Variants in SHTN1 observed in about 807,000 individuals in gnomAD.
The protein encoded by SHTN1 is shootin 1, also known as shootin-1.
Under a neutral mutation model 83.1 loss-of-function variants are expected in SHTN1, and 42 were observed. The ratio of observed to expected loss-of-function variants is 0.51; its 90% CI spans 0.39 to 0.65. The LOEUF (loss-of-function observed/expected upper bound fraction) is 0.65. SHTN1 is among the 30% of genes least tolerant of loss of function. The pLI, the probability that SHTN1 is intolerant of heterozygous loss-of-function variation, is 0.00. For missense variants in SHTN1, 622 were observed against 737.8 expected, an observed-to-expected ratio of 0.84 and a Z score of 1.82; for synonymous variants, 224 against 247.7, an observed-to-expected ratio of 0.90 and a Z score of 0.90.
chr10:117,013,685 C>T (rs533991288), intron 2 of SHTN1, among the ~76,000 whole-genome samples: 3 of 152,214 alleles, frequency 2.0e-5, no homozygotes, highest in South Asian at 4.1e-4. Context: ...ATGGTACAGC[C>T]GCTTTGAAAG....
At chr10:117,110,507 A>G (rs930829019) in intron 1 of SHTN1, among the ~76,000 whole-genome samples, 4 of 150,518 alleles carry the variant, frequency 2.7e-5, no homozygotes, top group Non-Finnish European at 5.9e-5. Flanking sequence ...GCACACCGCC[A>G]TGCCTGGGTA....
At position 116,883,004 on chromosome 10, in the gene SHTN1, T is replaced by A. The variant is rs1009259875; in HGVS notation, c.*3340A>T. 2.0e-5 allele frequency: 3 copies of A among 146,722 alleles called. No homozygotes were observed. The highest frequency in any genetic ancestry group is 8.0e-5 in the African/African-American group (3 of 37,640). The allele number at this position is 146,722 out of a possible 1,614,324, so 9.1% of individuals were successfully genotyped here. A position where few individuals can be genotyped will look rare whatever the true frequency, so the allele number is the denominator to read the frequency against. ...CACACACACACACACACACACATCA[T>A]GAGACTATGCCCTGGAACAGTGATA... On this transcript the variant is annotated 3_prime_UTR_variant, in exon 17 of 17. Transcript: ENST00000355371.
chr10:116,888,431 G>A (rs936038326), intron 16 of SHTN1, among the ~76,000 whole-genome samples: 7 of 152,176 alleles, frequency 4.6e-5, no homozygotes, highest in African/African-American at 1.7e-4. Context: ...TAGTCATGCC[G>A]TCTGTGTAAA....
At chr10:117,085,291 C>T (rs2133615617) in intron 1 of SHTN1, among the ~76,000 whole-genome samples, 1 of 152,192 alleles carries the variant, frequency 6.6e-6, no homozygotes, top group East Asian at 1.9e-4. Context: ...TATAAATTTC[C>T]CTCTGAACAC....
intron 8 of SHTN1, among the ~76,000 whole-genome samples, chr10:116,944,105 A>G (rs1189166614): frequency 6.6e-6 from 1 of 152,222 alleles, no homozygotes. Flanking sequence ...GCATAATGAC[A>G]GCACTGCACA....
chr10:116,970,478 A>G lies in SHTN1; in HGVS notation c.112-1766T>C, dbSNP rs527819748. Among the ~76,000 whole-genome samples the G allele has an allele frequency of 2.0e-5, 3 of 152,220 alleles. No homozygotes were observed. In the South Asian group the frequency reaches 6.2e-4, roughly 32 times the overall value. On this transcript the variant is annotated intron_variant, in intron 2 of 16. Coordinates refer to ENST00000355371, the MANE Select transcript of SHTN1 (RefSeq NM_001127211.3). The stretch of plus-strand genomic sequence containing the variant: ...AGTCGGTAATCCCAGCACTTTGGGA[A>G]GCCAAGGCAGGCGGATCATGAGGTC...
At chr10:116,967,762 TGTAA>T (rs1371071901) in intron 3 of SHTN1, among the ~76,000 whole-genome samples, 13 of 152,206 alleles carry the variant, frequency 8.5e-5, no homozygotes, top group African/African-American at 2.7e-4. Flanking sequence ...ACTGTAAAGA[TGTAA>T]GTGTCAGAAT....
intron 2 of SHTN1, among the ~76,000 whole-genome samples, chr10:116,976,569 C>T (rs2164656): frequency 0.9 from 137,385 of 152,216 alleles, 63,630 homozygotes; most frequent in East Asian, 1. Flanking sequence ...GATGGCCATA[C>T]GTATTTGCTG....
chr10:116,898,215 C>G (rs1847590663), intron 16 of SHTN1, among the ~76,000 whole-genome samples: 1 of 151,906 alleles, frequency 6.6e-6, no homozygotes, highest in Non-Finnish European at 1.5e-5. Flanking sequence ...GTAATCACAG[C>G]TACTCGGGAG....
At chr10:117,011,608 T>A (rs1852104495) in intron 2 of SHTN1, among the ~76,000 whole-genome samples, 1 of 152,168 alleles carries the variant, frequency 6.6e-6, no homozygotes, top group South Asian at 2.1e-4. Flanking sequence ...GAAAAGATGC[T>A]CAACATCATT....
rs747394357 is a variant in SHTN1, at chr10:116,954,204, T to C, written c.274A>G (p.Lys92Glu). Residue 92 changes from lysine to glutamate, a missense_variant, in exon 5 of 17, where the codon AAA (lysine) becomes GAA (glutamate). This residue lies in a region of SHTN1 where 383 missense variants were observed against 455.8 expected (regional missense o/e 0.84). Transcript: ENST00000355371. ...ATTCTTTTCAACGTTTTATTTTCTT[T>C]ATTTAGCTAAGACAAAATATAAAAA... Reference protein sequence around the residue: ...SAEALATKLNKENKTLKRISM... With the variant: ...SAEALATKLNEENKTLKRISM... 1 of 1,600,410 alleles carries C rather than the reference T, an allele frequency of 6.2e-7. No homozygotes were observed. The highest frequency in any genetic ancestry group is 8.5e-7 in the Non-Finnish European group (1 of 1,174,208).
intron 2 of SHTN1, among the ~76,000 whole-genome samples, chr10:117,045,017 A>G (rs1852640643): frequency 6.6e-6 from 1 of 152,228 alleles, no homozygotes; most frequent in Non-Finnish European, 1.5e-5. Flanking sequence ...AATTAAGATT[A>G]GCAGGATATA....
chr10:117,118,437 T>C (rs995120721), intron 1 of SHTN1, among the ~76,000 whole-genome samples: 5 of 148,978 alleles, frequency 3.4e-5, no homozygotes, highest in African/African-American at 1.0e-4. Flanking sequence ...GGAACTCTCA[T>C]ACACAGGGAT....
upstream of SHTN1, among the ~76,000 whole-genome samples, chr10:117,008,450 A>G (rs1180210418): frequency 6.6e-5 from 10 of 152,298 alleles, no homozygotes; most frequent in Non-Finnish European, 2.9e-5. Context: ...AGGCTTATGT[A>G]CAGAGCTATT....
At chr10:116,903,557 T>A (rs1847835274) in intron 15 of SHTN1, among the ~76,000 whole-genome samples, 1 of 152,058 alleles carries the variant, frequency 6.6e-6, no homozygotes, top group South Asian at 2.1e-4. Context: ...TCCTCCCAGC[T>A]ATGTCAAGCC....
chr10:117,002,158 CAAAAGT>C (rs987639981), intron 1 of SHTN1, among the ~76,000 whole-genome samples: 5 of 152,272 alleles, frequency 3.3e-5, no homozygotes, highest in African/African-American at 1.2e-4. Context: ...CAATGTCTAG[CAAAAGT>C]AAATGTCCGT....
At position 116,890,844 on chromosome 10, in the gene SHTN1, T is replaced by A. The variant is rs1847322686; in HGVS notation, c.1674-4278A>T. On this transcript the variant is annotated intron_variant, in intron 16 of 16. Coordinates refer to ENST00000355371, the MANE Select transcript of SHTN1 (RefSeq NM_001127211.3). ...CAATGGCCATGCCAACGCTGAACTTTACAGGACTCAGTGATTTCTCAGACT... is the reference window on the plus strand; with the variant it reads ...CAATGGCCATGCCAACGCTGAACTTAACAGGACTCAGTGATTTCTCAGACT... Among the ~76,000 whole-genome samples the A allele has an allele frequency of 2.0e-5, 3 of 152,372 alleles. No individual in the cohort carries two copies. The South Asian group carries it at 6.2e-4, about 32-fold the overall frequency.
intron 1 of SHTN1, among the ~76,000 whole-genome samples, chr10:117,052,413 A>G (rs1436054043): frequency 6.6e-6 from 1 of 152,062 alleles, no homozygotes; most frequent in Non-Finnish European, 1.5e-5. Context: ...TTTTTTGCAG[A>G]AATAGAGAAG....
chr10:116,901,951 G>A lies in SHTN1; in HGVS notation c.1487C>T (p.Thr496Ile), dbSNP rs781547165. The change falls in exon 16 of 17, where the codon ACT becomes ATT. Residue 496 changes from threonine to isoleucine, a missense_variant. Coordinates refer to ENST00000355371, the MANE Select transcript of SHTN1 (RefSeq NM_001127211.3). Reference sequence around the variant, plus strand: ...GGACTCTGAGGTGGCTAATATCCCAGTTGGACCTTAAAACCAAACACATAC... The same window carrying A: ...GGACTCTGAGGTGGCTAATATCCCAATTGGACCTTAAAACCAAACACATAC... ...VTAEADSSSP[T>I]GILATSESKS... 1 of 1,595,748 alleles carries A rather than the reference G, an allele frequency of 6.3e-7. No individual in the cohort carries two copies. The highest frequency in any genetic ancestry group is 2.3e-5 in the East Asian group (1 of 43,586).
Sources: allele counts gnomAD v4.1 joint callset (sites outside exome capture counted in the v4.1 genomes callset), GRCh38; gene constraint gnomAD v4.1.1; regional missense constraint gnomAD v4.1.1; transcripts MANE v1.5; gene names NCBI Gene and HGNC (gene_info 2026-07-23, HGNC 2026-07-21).